KAZN: variants seen among roughly 807,000 people sequenced by gnomAD.
The protein encoded by KAZN is kazrin, periplakin interacting protein.
KAZN carries 40 observed loss-of-function variants against 87.4 expected under a neutral mutation model. The observed-to-expected ratio is 0.46, with a 90% CI of 0.36 to 0.60. The LOEUF is 0.60. Among genes scored for constraint, KAZN ranks in the 20% least tolerant of loss-of-function variants. The probability of loss-of-function intolerance (pLI) is 0.00; values close to 1 mark genes in which losing one functional copy is unlikely to be tolerated. For synonymous variants in KAZN, 466 were observed against 458.3 expected (o/e 1.02, Z -0.22); for missense variants, 898 against 1,073.9 (o/e 0.84, Z 2.29).
At chr1:14,463,401 A>G (rs1252010759) in intron 2 of KAZN, among the ~76,000 whole-genome samples, 1 of 152,112 alleles carries the variant, frequency 6.6e-6, no homozygotes, top group Non-Finnish European at 1.5e-5. Context: ...TCTCACTTTA[A>G]TCCCAACCTC....
chr1:13,970,655 G>C (rs564277403), intron 1 of KAZN, among the ~76,000 whole-genome samples: 4 of 152,312 alleles, frequency 2.6e-5, no homozygotes, highest in Non-Finnish European at 5.9e-5. Context: ...TCTTTTAAGA[G>C]AATTCTATTT....
At chr1:14,615,524 G>A (rs1678163885) in intron 1 of KAZN, among the ~76,000 whole-genome samples, 1 of 152,084 alleles carries the variant, frequency 6.6e-6, no homozygotes, top group Admixed American at 6.5e-5. Context: ...TACTTGGGAG[G>A]CTGAAGCACA....
At chr1:13,912,754 G>C (rs12725530) in intron 1 of KAZN, among the ~76,000 whole-genome samples, 30,407 of 151,874 alleles carry the variant, frequency 0.2, 3,407 homozygotes, top group Non-Finnish European at 0.26. Flanking sequence ...CAGGGGTGCA[G>C]CACCACACCT....
intron 2 of KAZN, among the ~76,000 whole-genome samples, chr1:14,211,285 A>G (rs530621444): frequency 6.6e-6 from 1 of 152,300 alleles, no homozygotes; most frequent in South Asian, 2.1e-4. Context: ...CAGTGGCACA[A>G]TCTCGACTCA....
At chr1:14,057,236 G>C (rs1330905672) in intron 1 of KAZN, among the ~76,000 whole-genome samples, 3 of 151,660 alleles carry the variant, frequency 2.0e-5, no homozygotes, top group African/African-American at 7.3e-5. Context: ...CCAGGTTCAA[G>C]TGATTCTCCT....
intron 1 of KAZN, among the ~76,000 whole-genome samples, chr1:14,120,480 A>G (rs554275510): frequency 2.6e-5 from 4 of 152,164 alleles, no homozygotes; most frequent in African/African-American, 4.8e-5. Context: ...GATCCAACCC[A>G]TATCACATAT....
chr1:14,126,701 G>A (rs1453387499), intron 1 of KAZN, among the ~76,000 whole-genome samples: 1 of 152,188 alleles, frequency 6.6e-6, no homozygotes, highest in Non-Finnish European at 1.5e-5. Context: ...CTTTGAAGGG[G>A]TGGGGTTGTC....
intron 1 of KAZN, among the ~76,000 whole-genome samples, chr1:14,013,826 T>A (rs1312344137): frequency 6.6e-6 from 1 of 152,174 alleles, no homozygotes; most frequent in African/African-American, 2.4e-5. Flanking sequence ...AGAGACAAGA[T>A]TCTGATTTGA....
intron 1 of KAZN, among the ~76,000 whole-genome samples, chr1:14,861,424 A>T (rs867033575): frequency 6.6e-6 from 1 of 152,194 alleles, no homozygotes; most frequent in Non-Finnish European, 1.5e-5. Flanking sequence ...TTTTGCACCA[A>T]CCTAATAGAA....
chr1:14,844,694 G>T (rs924962089), intron 1 of KAZN, among the ~76,000 whole-genome samples: 5 of 152,188 alleles, frequency 3.3e-5, no homozygotes, highest in African/African-American at 9.7e-5. Flanking sequence ...AGGAGGAAAT[G>T]ATGCTACTTT....
At chr1:13,971,184 C>G (rs1452368475) in intron 1 of KAZN, among the ~76,000 whole-genome samples, 1 of 152,192 alleles carries the variant, frequency 6.6e-6, no homozygotes, top group Non-Finnish European at 1.5e-5. Flanking sequence ...CTCCACCAGC[C>G]TAATTTGGAT....
At chr1:14,968,040 T>C (rs1664641470) in intron 2 of KAZN, among the ~76,000 whole-genome samples, 1 of 152,180 alleles carries the variant, frequency 6.6e-6, no homozygotes, top group Admixed American at 6.5e-5. Flanking sequence ...TTACATGCAC[T>C]ACATTTCTTG....
intron 1 of KAZN, among the ~76,000 whole-genome samples, chr1:14,797,523 A>G (rs1402245272): frequency 6.6e-6 from 1 of 152,246 alleles, no homozygotes; most frequent in African/African-American, 2.4e-5. Flanking sequence ...TAAAAGGCCA[A>G]GTGAAGAGTT....
At position 15,063,226 on chromosome 1, in the gene KAZN, A is replaced by G. The variant is rs928793023; in HGVS notation, c.1048-346A>G. The G allele has an allele frequency of 3.3e-5, 9 of 276,218 alleles. No homozygotes were observed. The Admixed American group carries it at 4.3e-4, about 13-fold the overall frequency. 17.1% of individuals were successfully genotyped at this position (276,218 alleles called of 1,614,324 possible). On this transcript the variant is annotated intron_variant, in intron 6 of 14. Transcript: ENST00000376030. Reference sequence around the variant, plus strand: ...TATAAAAGTACATTTCTTTATGAAAAGCACCAAGTCTAACCAAGCTCTAGC... The same window carrying G: ...TATAAAAGTACATTTCTTTATGAAAGGCACCAAGTCTAACCAAGCTCTAGC...
chr1:14,331,929 A>T (rs1037744784), intron 2 of KAZN, among the ~76,000 whole-genome samples: 1 of 152,118 alleles, frequency 6.6e-6, no homozygotes, highest in African/African-American at 2.4e-5. Context: ...AAATTTTGAC[A>T]ATTTTTATAC....
chr1:14,617,831 A>G (rs1402365521), intron 1 of KAZN, among the ~76,000 whole-genome samples: 3 of 152,224 alleles, frequency 2.0e-5, no homozygotes, highest in Non-Finnish European at 4.4e-5. Context: ...CGCAAAGTGT[A>G]TGAAGCCTTA....
Position 14,339,938 on chromosome 1 carries a change from G to C in KAZN, c.249+159346G>C, listed in dbSNP as rs145593302. ...ATATTAACAAAACACCACCCAATTT[G>C]CTACCTATCGTCTTACCCTGCTGCT... On this transcript the variant is annotated intron_variant, in intron 2 of 16. Transcript: ENST00000636203. 7.3e-3 allele frequency among the ~76,000 whole-genome samples: 1,109 copies of C among 152,216 alleles called. 14 individuals carry two copies. The highest frequency in any genetic ancestry group is 0.026 in the African/African-American group (1,060 of 41,514).
At chr1:14,307,128 A>G (rs1654985289) in intron 2 of KAZN, among the ~76,000 whole-genome samples, 1 of 152,202 alleles carries the variant, frequency 6.6e-6, no homozygotes, top group Non-Finnish European at 1.5e-5. Context: ...TCGTGGTCCC[A>G]CAAGTTCATA....
At chr1:14,077,676 G>A (rs1381225971) in intron 1 of KAZN, among the ~76,000 whole-genome samples, 1 of 152,228 alleles carries the variant, frequency 6.6e-6, no homozygotes, top group Non-Finnish European at 1.5e-5. Context: ...TTCCCAAAAA[G>A]ATATGTGGAA....
Sources: allele counts gnomAD v4.1 joint callset (sites outside exome capture counted in the v4.1 genomes callset), GRCh38; gene constraint gnomAD v4.1.1; transcripts MANE v1.5; gene names NCBI Gene and HGNC (gene_info 2026-07-23, HGNC 2026-07-21).